CMC1: variants seen among roughly 807,000 people sequenced by gnomAD.
CMC1 encodes the protein COX assembly mitochondrial protein homolog.
A neutral mutation model predicts 14.1 loss-of-function variants in CMC1; 14 were observed. That is an observed-to-expected ratio of 0.99 (90% confidence interval 0.66 to 1.55). The LOEUF (loss-of-function observed/expected upper bound fraction) is 1.55. Among genes scored for constraint, CMC1 ranks in the 40% most tolerant of loss-of-function variants. The probability of loss-of-function intolerance (pLI) is 0.00; values close to 1 mark genes in which losing one functional copy is unlikely to be tolerated. For missense variants in CMC1, 127 were observed against 123.8 expected, an observed-to-expected ratio of 1.03 and a Z score of -0.12; for synonymous variants, 50 against 38.4, an observed-to-expected ratio of 1.30 and a Z score of -1.12.
intron 2 of CMC1, among the ~76,000 whole-genome samples, chr3:28,274,212 G>GTTTTTTTTGTTTTTTT (rs376321066): frequency 5.3e-4 from 47 of 88,062 alleles, no homozygotes; most frequent in African/African-American, 2.2e-3. Flanking sequence ...AAGTGTTTTT[G>GTTTTTTTTGTTTTTTT]TTTTTTTCTT....
At chr3:28,249,171 T>C (rs1331166396) in intron 1 of CMC1, among the ~76,000 whole-genome samples, 2 of 152,242 alleles carry the variant, frequency 1.3e-5, no homozygotes, top group Admixed American at 6.5e-5. Flanking sequence ...TGTGTTTTGC[T>C]AAAGAACTGT....
chr3:28,285,959 G>T (rs970064271), intron 2 of CMC1, among the ~76,000 whole-genome samples: 1 of 152,048 alleles, frequency 6.6e-6, no homozygotes, highest in African/African-American at 2.4e-5. Flanking sequence ...TAGAGACGGG[G>T]TTTCACTGTG....
At chr3:28,285,878 T>A (rs1193754041) in intron 2 of CMC1, among the ~76,000 whole-genome samples, 1 of 151,926 alleles carries the variant, frequency 6.6e-6, no homozygotes, top group East Asian at 1.9e-4. Flanking sequence ...GCCATTCTCC[T>A]GCTTCAGCCT....
chr3:28,321,327 A>AATC lies in CMC1; in HGVS notation c.*1699_*1701dup, dbSNP rs1229726665. 1 of 151,476 alleles carries AATC rather than the reference A, an allele frequency of 6.6e-6. No individual in the cohort carries two copies. The highest frequency in any genetic ancestry group is 1.5e-5 in the Non-Finnish European group (1 of 67,580). 9.4% of individuals were successfully genotyped at this position (151,476 alleles called of 1,614,324 possible). A position where few individuals can be genotyped will look rare whatever the true frequency, so the allele number is the denominator to read the frequency against. ...ACTTTAAGAAGCTAGTGAAATATAC[A>AATC]ATCTATTTTATAGCTTTGATTAAAA... On this transcript the variant is annotated 3_prime_UTR_variant, in exon 4 of 4. Coordinates refer to ENST00000466830, the MANE Select transcript of CMC1 (RefSeq NM_182523.2).
chr3:28,290,814 T>C (rs916199547), intron 2 of CMC1, among the ~76,000 whole-genome samples: 2 of 152,078 alleles, frequency 1.3e-5, no homozygotes, highest in Non-Finnish European at 2.9e-5. Context: ...TATTCCAAAA[T>C]GTAGTGGCTT....
chr3:28,278,453 T>C (rs1479738394), intron 2 of CMC1, among the ~76,000 whole-genome samples: 8 of 152,228 alleles, frequency 5.3e-5, no homozygotes, highest in Non-Finnish European at 1.2e-4. Context: ...GTGGTGGTTC[T>C]AATGTTTTTG....
chr3:28,242,269 A>G (rs994714068), intron 1 of CMC1, among the ~76,000 whole-genome samples: 1 of 152,162 alleles, frequency 6.6e-6, no homozygotes, highest in Non-Finnish European at 1.5e-5. Flanking sequence ...CTATGGCAGG[A>G]GTCAGTTTCT....
In CMC1 at chr3:28,267,137, C is replaced by A. The variant is rs560638962; in HGVS notation, c.109+3757C>A. ...TTGTCTTTTTCTAGCTGTTTGACTT[C>A]ACTAATTAAATGATTTATGTTTTCT... On this transcript the variant is annotated intron_variant, in intron 2 of 3. Coordinates refer to ENST00000466830, the MANE Select transcript of CMC1 (RefSeq NM_182523.2). Among the ~76,000 whole-genome samples the A allele has an allele frequency of 1.3e-3, 205 of 152,208 alleles. 9 individuals carry two copies. The South Asian group carries it at 0.041, about 31-fold the overall frequency.
In CMC1 at chr3:28,267,061, T is replaced by A. The variant is rs540225510; in HGVS notation, c.109+3681T>A. On this transcript the variant is annotated intron_variant, in intron 2 of 3. Coordinates refer to ENST00000466830, the MANE Select transcript of CMC1 (RefSeq NM_182523.2). ...ATTGCTTTTTCTTGGATCTAGGAGTTAGCACCTTGTGTCTTAGGGAGATGG... is the reference window on the plus strand; with the variant it reads ...ATTGCTTTTTCTTGGATCTAGGAGTAAGCACCTTGTGTCTTAGGGAGATGG... Among the ~76,000 whole-genome samples the A allele has an allele frequency of 7.2e-5, 11 of 152,344 alleles. No homozygotes were observed. In the South Asian group the frequency reaches 2.1e-3, roughly 29 times the overall value.
intron 2 of CMC1, among the ~76,000 whole-genome samples, chr3:28,283,333 G>A (rs1700991998): frequency 6.6e-6 from 1 of 151,654 alleles, no homozygotes; most frequent in African/African-American, 2.4e-5. Flanking sequence ...GGCCAACATG[G>A]CGAAACCCCA....
At chr3:28,262,283 G>A (rs1182731933) in intron 1 of CMC1, among the ~76,000 whole-genome samples, 1 of 152,042 alleles carries the variant, frequency 6.6e-6, no homozygotes, top group Non-Finnish European at 1.5e-5. Flanking sequence ...ATGGTCCATT[G>A]CTGTCTGAGG....
At chr3:28,251,172 C>T (rs1699107556) in intron 1 of CMC1, among the ~76,000 whole-genome samples, 1 of 152,136 alleles carries the variant, frequency 6.6e-6, no homozygotes, top group African/African-American at 2.4e-5. Context: ...AGCATGGCAT[C>T]TGCTTGGCTT....
At chr3:28,251,727 T>C (rs903791503) in intron 1 of CMC1, among the ~76,000 whole-genome samples, 12 of 152,304 alleles carry the variant, frequency 7.9e-5, no homozygotes, top group African/African-American at 2.9e-4. Context: ...CTATGAAATA[T>C]TGTAAGATAA....
At chr3:28,246,001 A>G (rs1698807222) in intron 1 of CMC1, among the ~76,000 whole-genome samples, 1 of 152,020 alleles carries the variant, frequency 6.6e-6, no homozygotes, top group Admixed American at 6.5e-5. Flanking sequence ...GCTGCACTTG[A>G]ACTCCTTGCT....
intron 1 of CMC1, among the ~76,000 whole-genome samples, chr3:28,259,400 A>C (rs1437865912): frequency 1.3e-5 from 2 of 152,140 alleles, no homozygotes; most frequent in African/African-American, 2.4e-5. Context: ...AACATTTCAT[A>C]GGGGTACATT....
chr3:28,264,101 T>C (rs1009513204), intron 2 of CMC1, among the ~76,000 whole-genome samples: 1 of 152,152 alleles, frequency 6.6e-6, no homozygotes, highest in Non-Finnish European at 1.5e-5. Context: ...TTTAGAAATA[T>C]CTTTAAAAAA....
intron 2 of CMC1, among the ~76,000 whole-genome samples, chr3:28,269,265 T>C (rs189677197): frequency 2.5e-4 from 38 of 152,316 alleles, no homozygotes; most frequent in African/African-American, 8.4e-4. Flanking sequence ...TGGTTCTCAA[T>C]TGTATGTGTT....
At chr3:28,288,781 TACTG>T (rs71087684) in intron 2 of CMC1, among the ~76,000 whole-genome samples, 29,595 of 151,596 alleles carry the variant, frequency 0.2, 3,162 homozygotes, top group Admixed American at 0.27. Context: ...AATTGTTTCA[TACTG>T]ACTAATATTT....
At chr3:28,289,431 G>C (rs975035111) in intron 2 of CMC1, among the ~76,000 whole-genome samples, 1 of 152,000 alleles carries the variant, frequency 6.6e-6, no homozygotes, top group Non-Finnish European at 1.5e-5. Flanking sequence ...AGTATAACAT[G>C]AGATATTTGT....
Sources: allele counts gnomAD v4.1 joint callset (sites outside exome capture counted in the v4.1 genomes callset), GRCh38; gene constraint gnomAD v4.1.1; transcripts MANE v1.5; gene names NCBI Gene and HGNC (gene_info 2026-07-23, HGNC 2026-07-21).